The following SRSF5 variants were observed in gnomAD, a reference collection of about 807,000 sequenced individuals.
SRSF5 encodes the protein serine and arginine rich splicing factor 5.
Under a neutral mutation model 34.0 loss-of-function variants are expected in SRSF5, and 5 were observed. The ratio of observed to expected loss-of-function variants is 0.15; its 90% CI spans 0.08 to 0.31. The LOEUF is 0.31. Among genes scored for constraint, SRSF5 ranks in the 10% least tolerant of loss-of-function variants. SRSF5 has a pLI of 1.00. For synonymous variants in SRSF5, 164 were observed against 117.7 expected, an observed-to-expected ratio of 1.39 and a Z score of -2.55; for missense variants, 223 against 351.4, an observed-to-expected ratio of 0.63 and a Z score of 2.92.
Position 69,771,561 on chromosome 14 carries a change from C to G in SRSF5, c.*100C>G. On this transcript the variant is annotated 3_prime_UTR_variant, in exon 8 of 8. Coordinates refer to ENST00000557154, the MANE Select transcript of SRSF5 (RefSeq NM_001320214.2). ...AAAATTCTGGTAAGTATGTGCTTTT[C>G]TGTGGGGGTGGGATTTGGAAGGGGG... The G allele has an allele frequency of 2.5e-5, 27 of 1,087,590 alleles. No individual in the cohort carries two copies. The highest frequency in any genetic ancestry group is 8.1e-5 in the Admixed American group (3 of 37,192). 67.4% of individuals were successfully genotyped at this position (1,087,590 alleles called of 1,614,324 possible).
At chr14:69,769,909 C>G in intron 5 of SRSF5, 2 of 1,116,428 alleles carry the variant, frequency 1.8e-6, no homozygotes, top group Non-Finnish European at 2.2e-6. Flanking sequence ...GAGGGCTGTG[C>G]GATTAAAGGC....
intron 1 of SRSF5, chr14:69,767,733 C>T (rs1001300670): frequency 5.6e-6 from 2 of 355,590 alleles, no homozygotes; most frequent in Non-Finnish European, 1.1e-5. Context: ...GCGGTCGAGG[C>T]GTCGCGAGAT....
intron 1 of SRSF5, chr14:69,767,863 C>T (rs1882714529): frequency 1.0e-5 from 4 of 399,396 alleles, no homozygotes; most frequent in Non-Finnish European, 1.4e-5. Flanking sequence ...TGGGAGGGGG[C>T]CGGAGAGCCC....
In SRSF5 at chr14:69,768,244, A is replaced by T; in HGVS notation, c.88A>T (p.Ile30Leu). The T allele has an allele frequency of 6.2e-7, 1 of 1,614,238 alleles. No homozygotes were observed. The highest frequency in any genetic ancestry group is 8.5e-7 in the Non-Finnish European group (1 of 1,180,042). Residue 30 changes from isoleucine (I) to leucine (L), a missense_variant, in exon 2 of 8, where the codon ATA becomes TTA. Coordinates refer to ENST00000557154, the MANE Select transcript of SRSF5 (RefSeq NM_001320214.2). ...AAGATTCTTCAAGGGATATGGACGG[A>T]TAAGAGATATTGATCTGAAAAGAGG... ...VERFFKGYGR[I>L]RDIDLKRGFG...
rs759207761 is a variant in SRSF5, at chr14:69,768,805, A to G, written c.205A>G (p.Ile69Val). Reference protein sequence around the residue: ...GKELCSERVTIEHARARSRGG... With the variant: ...GKELCSERVTVEHARARSRGG... ...TTTCTTCCCTTTTTGTAGGGTTACTATTGAACATGCTAGGGCTCGGTCACG... is the reference window on the plus strand; with the variant it reads ...TTTCTTCCCTTTTTGTAGGGTTACTGTTGAACATGCTAGGGCTCGGTCACG... Residue 69 changes from isoleucine to valine, a missense_variant, in exon 4 of 8, where the codon ATT becomes GTT. Ile to Val is a conservative substitution (Grantham distance 29). Transcript: ENST00000557154. 1.2e-6 allele frequency: 2 copies of G among 1,614,140 alleles called. No homozygotes were observed. Among genetic ancestry groups the G allele is most frequent in the African/African-American group, 1.3e-5 (1 of 75,046 alleles).
intron 5 of SRSF5, 180 bp downstream of exon 5, chr14:69,769,431 C>G: frequency 2.0e-6 from 3 of 1,525,676 alleles, no homozygotes; most frequent in Non-Finnish European, 2.6e-6. Context: ...TATTAGTGAT[C>G]AAATGTAAAT....
rs753430129 is a variant in SRSF5, at chr14:69,770,416, TTGTG to T, written c.367-47_367-44del. 10 of 1,597,650 alleles carry T rather than the reference TTGTG, an allele frequency of 6.3e-6. No individual in the cohort carries two copies. In the Admixed American group the frequency reaches 7.2e-5, roughly 11 times the overall value. On this transcript the variant is annotated intron_variant, in intron 5 of 7. Coordinates refer to ENST00000557154, the MANE Select transcript of SRSF5 (RefSeq NM_001320214.2). ...TGTTTTTTTTATATCATGTGATTGT[TTGTG>T]TGTCCCCTTTCCTCTTCTTTGCTTA...
intron 5 of SRSF5, chr14:69,770,212 G>C: frequency 1.6e-6 from 2 of 1,242,628 alleles, no homozygotes; most frequent in Non-Finnish European, 2.0e-6. Flanking sequence ...ACTGAGCTCA[G>C]CATAGACTAA....
In SRSF5 at chr14:69,770,775, C is replaced by T. The variant is rs12431979; in HGVS notation, c.441-220C>T. 6 of 637,514 alleles carry T rather than the reference C, an allele frequency of 9.4e-6. No individual in the cohort carries two copies. In the East Asian group the frequency reaches 1.4e-4, roughly 15 times the overall value. 39.5% of individuals were successfully genotyped at this position (637,514 alleles called of 1,614,324 possible). A position where few individuals can be genotyped will look rare whatever the true frequency, so the allele number is the denominator to read the frequency against. On this transcript the variant is annotated intron_variant, in intron 6 of 7. Coordinates refer to ENST00000557154, the MANE Select transcript of SRSF5 (RefSeq NM_001320214.2). The stretch of plus-strand genomic sequence containing the variant: ...TAGTCAGTAGGGGCTAGGCATCCTG[C>T]TAAGCATCCCACGGTGCATAGGGAA...
chr14:69,767,959 A>G, intron 1 of SRSF5, 179 bp from the exon 2 acceptor site: 2 of 614,356 alleles, frequency 3.3e-6, no homozygotes, highest in East Asian at 6.1e-5. Flanking sequence ...CCGTGTTGGG[A>G]GGGAGCTGGG....
At chr14:69,767,328 C>T (rs1272622289) in intron 1 of SRSF5, 73 bp downstream of exon 1, 2 of 453,928 alleles carry the variant, frequency 4.4e-6, no homozygotes, top group Non-Finnish European at 4.4e-6. Flanking sequence ...CGTGAGCGGC[C>T]GGGGCTGCTC....
At position 69,770,998 on chromosome 14, in the gene SRSF5, G is replaced by A. The variant is rs201708879; in HGVS notation, c.444G>A (p.Val148=). The A allele has an allele frequency of 4.3e-6, 7 of 1,611,914 alleles. No homozygotes were observed. The highest frequency in any genetic ancestry group is 5.9e-6 in the Non-Finnish European group (7 of 1,179,406). ...AAGTGGCTGTTTTCCATTTTAGGGT[G>A]GTTGAGTTTGCCTCTTATGGTGACT... The part of the protein sequence containing the change: ...DAHRPKLNEG[V]VEFASYGDLK... Residue 148 remains valine, a synonymous_variant, in exon 7 of 8, where the codon GTG becomes GTA. Transcript: ENST00000557154.
intron 6 of SRSF5, 27 bp from the exon 7 acceptor site, chr14:69,770,967 CT>C: frequency 6.3e-7 from 1 of 1,591,852 alleles, no homozygotes; most frequent in Non-Finnish European, 8.6e-7. Flanking sequence ...GATGTATATA[CT>C]TTAAAAGTGG....
At chr14:69,769,094 G>A (rs779704560) in intron 4 of SRSF5, 88 bp from the exon 5 acceptor site, 67 of 1,482,248 alleles carry the variant, frequency 4.5e-5, no homozygotes, top group Non-Finnish European at 1.2e-5. Context: ...AATGGCTTGT[G>A]ATATCTGATG....
chr14:69,768,618 A>G lies in SRSF5; in HGVS notation c.141A>G (p.Pro47=), dbSNP rs144031957. Residue 47 remains proline, a synonymous_variant, in exon 3 of 8, where the codon CCA becomes CCG. Transcript: ENST00000557154. ...TTACATTTTAGGAATTTGAGGATCC[A>G]AGGGATGCAGATGATGCTGTGTATG... ...RGFGFVEFED[P]RDADDAVYEL... 175 of 1,614,100 alleles carry G rather than the reference A, an allele frequency of 1.1e-4. 2 individuals carry two copies. Among genetic ancestry groups the G allele is most frequent in the Admixed American group, 6.7e-5 (4 of 60,008 alleles).
At chr14:69,768,036 C>T in intron 1 of SRSF5, 102 bp from the exon 2 acceptor site, 1 of 1,334,676 alleles carries the variant, frequency 7.5e-7, no homozygotes, top group Non-Finnish European at 1.0e-6. Context: ...TTCATAACAT[C>T]ACTGTGTAAA....
chr14:69,767,435 G>A (rs1329645907), intron 1 of SRSF5, 180 bp downstream of exon 1: 1 of 456,036 alleles, frequency 2.2e-6, no homozygotes. Context: ...GTACTGAGGT[G>A]AAAGGGCGGT....
rs140683343 is a variant in SRSF5 at position 69,771,452 on chromosome 14, T to C, written c.810T>C (p.Ser270=). ...GATCAAGGTCCAGATCAGTTGACAGTGGCAATTAAACTGTAAATAACTTGC... is the reference window on the plus strand; with the variant it reads ...GATCAAGGTCCAGATCAGTTGACAGCGGCAATTAAACTGTAAATAACTTGC... ...RSRSRSRSVD[S]GN is the part of the protein sequence containing the mutation. The change falls in exon 8 of 8, where the codon AGT becomes AGC. Residue 270 remains serine, a synonymous_variant. Transcript: ENST00000557154. The C allele has an allele frequency of 6.3e-4, 1,016 of 1,613,932 alleles. No homozygotes were observed. Among genetic ancestry groups the C allele is most frequent in the Non-Finnish European group, 8.2e-4 (965 of 1,179,908 alleles).
At chr14:69,767,648 C>T (rs1428420358) in intron 1 of SRSF5, 3 of 414,842 alleles carry the variant, frequency 7.2e-6, no homozygotes, top group East Asian at 7.2e-5. Flanking sequence ...TTGGCACGCG[C>T]AGCTCTGCTG....
Sources: allele counts gnomAD v4.1 joint callset, GRCh38; gene constraint gnomAD v4.1.1; transcripts MANE v1.5; gene names NCBI Gene and HGNC (gene_info 2026-07-23, HGNC 2026-07-21).